The following EGFLAM variants were observed in gnomAD, a reference collection of about 807,000 sequenced individuals.
EGFLAM encodes pikachurin.
Under a neutral mutation model 113.1 loss-of-function variants are expected in EGFLAM, and 79 were observed. The observed-to-expected ratio is 0.70, with a 90% CI of 0.58 to 0.84. The LOEUF is 0.84. Ranked by LOEUF, EGFLAM falls within the 40% of genes least tolerant of loss-of-function variation. The probability of loss-of-function intolerance (pLI) is 0.00; values close to 1 mark genes in which losing one functional copy is unlikely to be tolerated. For synonymous variants in EGFLAM, 504 were observed against 487.6 expected, an observed-to-expected ratio of 1.03 and a Z score of -0.44; for missense variants, 1,265 against 1,291.6, an observed-to-expected ratio of 0.98 and a Z score of 0.32.
chr5:38,309,838 C>T (rs1738376246), intron 1 of EGFLAM, among the ~76,000 whole-genome samples: 2 of 152,186 alleles, frequency 1.3e-5, no homozygotes, highest in Admixed American at 6.5e-5. Context: ...GTAAATTTAG[C>T]TCTTTAGGGG....
chr5:38,434,122 C>T (rs949010544), intron 15 of EGFLAM, among the ~76,000 whole-genome samples: 4 of 152,150 alleles, frequency 2.6e-5, no homozygotes, highest in Non-Finnish European at 5.9e-5. Flanking sequence ...AATTCATGCT[C>T]GTAATGTGGT....
chr5:38,315,984 G>A (rs1422742799), intron 1 of EGFLAM, among the ~76,000 whole-genome samples: 1 of 150,936 alleles, frequency 6.6e-6, no homozygotes, highest in Admixed American at 6.6e-5. Flanking sequence ...GGTTGAGGCA[G>A]GATAATTGCT....
intron 1 of EGFLAM, among the ~76,000 whole-genome samples, chr5:38,276,262 T>C (rs1757881515): frequency 6.6e-6 from 1 of 152,190 alleles, no homozygotes; most frequent in African/African-American, 2.4e-5. Context: ...ATGATTCAAT[T>C]ATCTCCCACT....
intron 1 of EGFLAM, among the ~76,000 whole-genome samples, chr5:38,279,365 GC>G (rs1174308519): frequency 6.6e-6 from 1 of 152,104 alleles, no homozygotes; most frequent in Non-Finnish European, 1.5e-5. Flanking sequence ...CCACTAGTGG[GC>G]ATATATCAAA....
At chr5:38,409,473 A>G (rs1407692929) in intron 10 of EGFLAM, among the ~76,000 whole-genome samples, 2 of 152,228 alleles carry the variant, frequency 1.3e-5, no homozygotes, top group South Asian at 2.1e-4. Flanking sequence ...GTGCTGTTGA[A>G]TGTACCTGGC....
intron 6 of EGFLAM, among the ~76,000 whole-genome samples, chr5:38,402,675 T>C (rs941370681): frequency 2.0e-5 from 3 of 152,232 alleles, no homozygotes; most frequent in Admixed American, 6.5e-5. Context: ...TTAGTCATAC[T>C]TACCTTGTAA....
intron 1 of EGFLAM, among the ~76,000 whole-genome samples, chr5:38,303,721 C>T (rs2111834747): frequency 6.6e-6 from 1 of 152,210 alleles, no homozygotes; most frequent in East Asian, 1.9e-4. Flanking sequence ...TACTGTTGCC[C>T]CTACTCAAAG....
chr5:38,416,993 C>T (rs527855233), intron 11 of EGFLAM, among the ~76,000 whole-genome samples: 3 of 152,160 alleles, frequency 2.0e-5, no homozygotes, highest in East Asian at 3.9e-4. Flanking sequence ...GTTCTGGCAG[C>T]GTGCCTTTCC....
intron 17 of EGFLAM, among the ~76,000 whole-genome samples, chr5:38,441,221 C>T (rs536183229): frequency 6.6e-6 from 1 of 152,244 alleles, no homozygotes; most frequent in Admixed American, 6.5e-5. Flanking sequence ...GCAAGACCCA[C>T]CAGGACAGGA....
chr5:38,451,309 C>A lies in EGFLAM; in HGVS notation c.2544-6C>A. ...TTTGGTGGACTTATTTGTGTATTTCCTCCAGGGTGTCAGGATCAAGATCAA... is the reference window on the plus strand; with the variant it reads ...TTTGGTGGACTTATTTGTGTATTTCATCCAGGGTGTCAGGATCAAGATCAA... On this transcript the variant is annotated splice_region_variant and splice_polypyrimidine_tract_variant and intron_variant, in intron 18 of 21. Coordinates refer to ENST00000322350, the MANE Select transcript of EGFLAM (RefSeq NM_152403.4). 6.2e-7 allele frequency: 1 copy of A among 1,611,306 alleles called. No homozygotes were observed. Among genetic ancestry groups the A allele is most frequent in the Non-Finnish European group, 8.5e-7 (1 of 1,178,410 alleles).
chr5:38,420,707 A>T (rs1465196834), intron 12 of EGFLAM, among the ~76,000 whole-genome samples: 8 of 152,200 alleles, frequency 5.3e-5, no homozygotes, highest in African/African-American at 1.9e-4. Flanking sequence ...AGCCCTGAAT[A>T]AACCTGGTAG....
In EGFLAM at chr5:38,418,269, T is replaced by A; in HGVS notation, c.1684+14T>A. On this transcript the variant is annotated intron_variant, in intron 12 of 21. Transcript: ENST00000322350. ...GGGCTGATGTGGGTAAGTGGCTGCC[T>A]GGTGGGTTGGGGTACTCTTATGGGA... The A allele has an allele frequency of 6.2e-7, 1 of 1,613,566 alleles. No individual in the cohort carries two copies. The highest frequency in any genetic ancestry group is 8.5e-7 in the Non-Finnish European group (1 of 1,179,694).
chr5:38,451,620 C>T (rs754195520), intron 19 of EGFLAM, 162 bp downstream of exon 19: 54 of 1,063,794 alleles, frequency 5.1e-5, no homozygotes, highest in Non-Finnish European at 7.0e-5. Flanking sequence ...TTCTTTCCAA[C>T]ATTCATCTTA....
chr5:38,429,503 A>G (rs1742121038), intron 14 of EGFLAM, among the ~76,000 whole-genome samples: 1 of 152,218 alleles, frequency 6.6e-6, no homozygotes, highest in African/African-American at 2.4e-5. Context: ...AGGGCCAGGA[A>G]CTAGACATTG....
intron 6 of EGFLAM, chr5:38,401,033 C>T (rs1254225212): frequency 6.6e-6 from 1 of 152,132 alleles, no homozygotes; most frequent in Non-Finnish European, 1.5e-5. Context: ...CAAAAAGTGT[C>T]AAAACGGAAA....
intron 1 of EGFLAM, among the ~76,000 whole-genome samples, chr5:38,261,473 T>G (rs376308066): frequency 2.6e-5 from 4 of 152,206 alleles, no homozygotes; most frequent in African/African-American, 9.7e-5. Flanking sequence ...AAATTGTGGC[T>G]TAGAGAGGTT....
chr5:38,271,368 T>C (rs940782672), intron 1 of EGFLAM, among the ~76,000 whole-genome samples: 1 of 152,218 alleles, frequency 6.6e-6, no homozygotes, highest in African/African-American at 2.4e-5. Flanking sequence ...ACCAGAATAG[T>C]CTTCCCAAAA....
In EGFLAM at chr5:38,464,022, A is replaced by G. The variant is rs1376022020; in HGVS notation, c.*36A>G. 1.9e-6 allele frequency: 3 copies of G among 1,613,402 alleles called. No individual in the cohort carries two copies. Among genetic ancestry groups the G allele is most frequent in the Middle Eastern group, 1.7e-4 (1 of 6,046 alleles). ...CCTTGTCCAAGGGACAGAGCCTTCT[A>G]TTCTGAGAATCCCAGGGGCCCTCAG... On this transcript the variant is annotated 3_prime_UTR_variant, in exon 22 of 22. Coordinates refer to ENST00000322350, the MANE Select transcript of EGFLAM (RefSeq NM_152403.4).
At chr5:38,440,836 A>G (rs1275183730) in intron 17 of EGFLAM, among the ~76,000 whole-genome samples, 1 of 152,164 alleles carries the variant, frequency 6.6e-6, no homozygotes, top group East Asian at 1.9e-4. Flanking sequence ...ACCAAAGGGC[A>G]CCTTCTTTAT....
Sources: gnomAD v4.1 joint callset for allele counts (sites outside exome capture counted in the v4.1 genomes callset) on GRCh38, gnomAD v4.1.1 for gene constraint, MANE v1.5 for transcripts, NCBI Gene and HGNC (gene_info 2026-07-23, HGNC 2026-07-21) for gene names.